The following SUCO variants were observed in gnomAD, a reference collection of about 807,000 sequenced individuals.
The protein encoded by SUCO is SUN domain-containing ossification factor.
SUCO carries 57 observed loss-of-function variants against 148.1 expected under a neutral mutation model. That is an observed-to-expected ratio of 0.38 (90% CI 0.31 to 0.48). The LOEUF (loss-of-function observed/expected upper bound fraction) is 0.48, where lower values mean the gene tolerates loss of function less well. Ranked by LOEUF, SUCO falls within the 20% of genes least tolerant of loss-of-function variation. The pLI is 0.96. For missense variants in SUCO, 1,331 were observed against 1,468.2 expected (o/e 0.91, Z 1.53); for synonymous variants, 470 against 502.7 (o/e 0.93, Z 0.87).
At position 172,602,796 on chromosome 1, in the gene SUCO, C is replaced by T; in HGVS notation, c.3265+9C>T. On this transcript the variant is annotated intron_variant, in intron 22 of 23. Transcript: ENST00000263688. ...GTTAACTGGCAAAGAAGGTAGATTT[C>T]TGTGGATATATAATATGTATATATA... 6.3e-7 allele frequency: 1 copy of T among 1,591,734 alleles called. No homozygotes were observed. Among genetic ancestry groups the T allele is most frequent in the East Asian group, 2.2e-5 (1 of 44,704 alleles).
intron 22 of SUCO, among the ~76,000 whole-genome samples, chr1:172,605,065 C>G (rs747367769): frequency 1.3e-5 from 2 of 151,650 alleles, no homozygotes; most frequent in Admixed American, 1.3e-4. Context: ...TTATAACCTC[C>G]GTTATGGATT....
At chr1:172,588,678 G>A (rs572978794) in intron 17 of SUCO, 82 bp from the exon 18 acceptor site, 2 of 1,291,548 alleles carry the variant, frequency 1.5e-6, no homozygotes, top group African/African-American at 3.0e-5. Context: ...TCTTCTGTAT[G>A]GATACATTTA....
intron 17 of SUCO, chr1:172,588,084 G>A: frequency 2.0e-6 from 2 of 985,144 alleles, no homozygotes; most frequent in Non-Finnish European, 2.4e-6. Flanking sequence ...ATTTGGCTTA[G>A]AAGATTAGCC....
intron 1 of SUCO, among the ~76,000 whole-genome samples, chr1:172,547,645 C>A (rs977361954): frequency 5.9e-5 from 9 of 152,072 alleles, no homozygotes; most frequent in Non-Finnish European, 1.3e-4. Context: ...AAATAAAGCT[C>A]CAGAACTGTT....
At chr1:172,602,944 C>T (rs1161939177) in intron 22 of SUCO, 157 bp downstream of exon 22, 1 of 614,788 alleles carries the variant, frequency 1.6e-6, no homozygotes, top group Non-Finnish European at 2.8e-6. Context: ...ATCATTTTCA[C>T]ATTTTATATC....
chr1:172,549,539 T>C (rs981613737), intron 1 of SUCO, among the ~76,000 whole-genome samples: 4 of 151,956 alleles, frequency 2.6e-5, no homozygotes, highest in Non-Finnish European at 4.4e-5. Flanking sequence ...TTGGATATCA[T>C]TTTTAAAAGG....
upstream of SUCO, chr1:172,532,420 A>C: frequency 4.2e-6 from 6 of 1,429,116 alleles, no homozygotes; most frequent in Admixed American, 4.4e-5. Context: ...CAAGCGGCGA[A>C]ATTCTTGCTG....
intron 22 of SUCO, among the ~76,000 whole-genome samples, chr1:172,605,077 T>C (rs547667572): frequency 6.6e-6 from 1 of 151,988 alleles, no homozygotes; most frequent in South Asian, 2.1e-4. Context: ...TTATGGATTA[T>C]AACCCCCATT....
At chr1:172,562,327 A>ATTTTTTTTTTTTTTT (rs34871543) in intron 6 of SUCO, among the ~76,000 whole-genome samples, 4 of 137,706 alleles carry the variant, frequency 2.9e-5, no homozygotes, top group African/African-American at 5.3e-5. Flanking sequence ...GGGTTTTAAC[A>ATTTTTTTTTTTTTTT]TTTTTTTTTT....
At chr1:172,565,198 G>A (rs934452910) in intron 6 of SUCO, among the ~76,000 whole-genome samples, 1 of 152,168 alleles carries the variant, frequency 6.6e-6, no homozygotes, top group South Asian at 2.1e-4. Context: ...TGACTTGCTG[G>A]AGAACCTACC....
intron 1 of SUCO, among the ~76,000 whole-genome samples, chr1:172,542,208 C>T (rs540816286): frequency 1.3e-5 from 2 of 152,008 alleles, no homozygotes; most frequent in East Asian, 1.9e-4. Flanking sequence ...GGAGAAACCC[C>T]GTCTCTACTA....
chr1:172,579,137 C>T (rs1655679670), intron 14 of SUCO, 65 bp from the exon 15 acceptor site: 1 of 890,722 alleles, frequency 1.1e-6, no homozygotes, highest in African/African-American at 1.7e-5. Flanking sequence ...ATAATTTGAG[C>T]TTTTAAATAT....
upstream of SUCO, chr1:172,532,983 G>A: frequency 1.4e-6 from 2 of 1,389,396 alleles, no homozygotes; most frequent in Non-Finnish European, 1.9e-6. Context: ...CTGCGCAGAG[G>A]CTGGTGGGGG....
chr1:172,584,789 A>G (rs973575150), intron 15 of SUCO, among the ~76,000 whole-genome samples: 3 of 152,210 alleles, frequency 2.0e-5, no homozygotes, highest in African/African-American at 4.8e-5. Context: ...AACGAAAAGT[A>G]TATTTAAATA....
chr1:172,568,305 T>TTAC, intron 6 of SUCO: 2 of 905,984 alleles, frequency 2.2e-6, no homozygotes, highest in Non-Finnish European at 2.6e-6. Context: ...ATTCTTTGCT[T>TTAC]CCCACCCACC....
At chr1:172,555,389 C>G in intron 3 of SUCO, 1 of 985,152 alleles carries the variant, frequency 1.0e-6, no homozygotes, top group Non-Finnish European at 1.2e-6. Context: ...ACTGAAAGGC[C>G]CAGGTCATTC....
rs191372026 is a variant in SUCO at position 172,596,047 on chromosome 1, C to A, written c.2914-4017C>A. ...TTCATTTGATCTTCAATCACTGATA[C>A]CCTTTCCTCCACTTGATCGAATTGT... On this transcript the variant is annotated intron_variant, in intron 19 of 23. Coordinates refer to ENST00000263688, the MANE Select transcript of SUCO (RefSeq NM_014283.5). 3.1e-4 allele frequency among the ~76,000 whole-genome samples: 47 copies of A among 152,302 alleles called. 1 individual carries two copies. The highest frequency in any genetic ancestry group is 3.1e-3 in the Admixed American group (47 of 15,302).
At chr1:172,558,062 A>G (rs774178376) in intron 6 of SUCO, among the ~76,000 whole-genome samples, 40 of 152,242 alleles carry the variant, frequency 2.6e-4, no homozygotes, top group Non-Finnish European at 5.9e-5. Flanking sequence ...GCTGTTTGAT[A>G]GCAGATACAT....
At chr1:172,598,699 A>G (rs1237927274) in intron 19 of SUCO, among the ~76,000 whole-genome samples, 2 of 152,216 alleles carry the variant, frequency 1.3e-5, no homozygotes, top group African/African-American at 2.4e-5. Flanking sequence ...GTTGTATATT[A>G]ATAGTATTGG....
Sources: gnomAD v4.1 joint callset for allele counts (sites outside exome capture counted in the v4.1 genomes callset) on GRCh38, gnomAD v4.1.1 for gene constraint, MANE v1.5 for transcripts, NCBI Gene and HGNC (gene_info 2026-07-23, HGNC 2026-07-21) for gene names.